PSMB7: variants seen among roughly 807,000 people sequenced by gnomAD.
The protein encoded by PSMB7 is proteasome 20S subunit beta 7, also known as proteasome subunit beta type-7.
In PSMB7, 5 loss-of-function variants were observed where a neutral mutation model predicts 28.1. The ratio of observed to expected loss-of-function variants is 0.18; its 90% confidence interval spans 0.09 to 0.37. The LOEUF (loss-of-function observed/expected upper bound fraction) is 0.37. PSMB7 is among the 10% of genes least tolerant of loss of function. The pLI is 1.00. For missense variants in PSMB7, 275 were observed against 346.2 expected, an observed-to-expected ratio of 0.79 and a Z score of 1.63; for synonymous variants, 122 against 123.7, an observed-to-expected ratio of 0.99 and a Z score of 0.09.
At chr9:124,354,375 G>A (rs1218185991) in intron 7 of PSMB7, among the ~76,000 whole-genome samples, 1 of 152,220 alleles carries the variant, frequency 6.6e-6, no homozygotes, top group African/African-American at 2.4e-5. Flanking sequence ...TGCTCACAGT[G>A]GGTCAGGAAT....
At chr9:124,406,930 T>G (rs1429538435) in intron 4 of PSMB7, among the ~76,000 whole-genome samples, 2 of 152,044 alleles carry the variant, frequency 1.3e-5, no homozygotes, top group Non-Finnish European at 2.9e-5. Flanking sequence ...GAGGTTGCAC[T>G]GAGCCGAGGT....
At chr9:124,358,045 G>A (rs1044065176) in intron 6 of PSMB7, among the ~76,000 whole-genome samples, 1 of 152,202 alleles carries the variant, frequency 6.6e-6, no homozygotes, top group African/African-American at 2.4e-5. Context: ...TGAAAGCAGG[G>A]AATCTAACCT....
At chr9:124,408,594 C>A (rs936470784) in intron 4 of PSMB7, among the ~76,000 whole-genome samples, 1 of 152,134 alleles carries the variant, frequency 6.6e-6, no homozygotes, top group African/African-American at 2.4e-5. Flanking sequence ...CATAAGAGTA[C>A]ACACAAACAT....
At chr9:124,386,412 C>G (rs1830718983) in intron 5 of PSMB7, among the ~76,000 whole-genome samples, 2 of 152,186 alleles carry the variant, frequency 1.3e-5, no homozygotes, top group African/African-American at 4.8e-5. Flanking sequence ...ACCTAAGTTG[C>G]TGTTTTCAGG....
At chr9:124,403,885 CAT>C (rs774818425) in intron 5 of PSMB7, among the ~76,000 whole-genome samples, 1 of 131,816 alleles carries the variant, frequency 7.6e-6, no homozygotes, top group African/African-American at 2.9e-5. Flanking sequence ...CCTGTCCTGA[CAT>C]TTTTTTTTTT....
At chr9:124,371,612 C>T (rs1319652560) in intron 6 of PSMB7, among the ~76,000 whole-genome samples, 4 of 152,038 alleles carry the variant, frequency 2.6e-5, no homozygotes, top group African/African-American at 7.2e-5. Flanking sequence ...CTCAAGTAAC[C>T]GAAAAAAGAC....
chr9:124,414,818 T>C (rs1300505041), intron 2 of PSMB7, 24 bp downstream of exon 2: 3 of 1,598,666 alleles, frequency 1.9e-6, no homozygotes, highest in Non-Finnish European at 8.6e-7. Flanking sequence ...CAGTCACTGC[T>C]GCTCTTAGCC....
chr9:124,379,387 C>A (rs780556563), intron 6 of PSMB7, among the ~76,000 whole-genome samples: 1 of 152,154 alleles, frequency 6.6e-6, no homozygotes, highest in African/African-American at 2.4e-5. Context: ...GGAATAGAAA[C>A]GACCAGGTGT....
At chr9:124,393,705 C>A (rs1303492435) in intron 5 of PSMB7, among the ~76,000 whole-genome samples, 2 of 152,222 alleles carry the variant, frequency 1.3e-5, no homozygotes, top group African/African-American at 4.8e-5. Context: ...ACTGCAACAT[C>A]TCATTGACCT....
chr9:124,373,685 C>T (rs897861811), intron 6 of PSMB7, among the ~76,000 whole-genome samples: 8 of 152,182 alleles, frequency 5.3e-5, no homozygotes, highest in Non-Finnish European at 1.2e-4. Context: ...AAGTCACACA[C>T]ACCCACCAGG....
chr9:124,374,353 C>T (rs1425191467), intron 6 of PSMB7, among the ~76,000 whole-genome samples: 1 of 152,170 alleles, frequency 6.6e-6, no homozygotes, highest in Non-Finnish European at 1.5e-5. Flanking sequence ...CTAAAAACCA[C>T]TGAACTACAC....
At chr9:124,354,186 G>C (rs1354888851) in intron 7 of PSMB7, among the ~76,000 whole-genome samples, 1 of 152,150 alleles carries the variant, frequency 6.6e-6, no homozygotes, top group East Asian at 1.9e-4. Flanking sequence ...AAAATGTGCA[G>C]CCAGACTCTG....
chr9:124,407,550 T>G (rs1398388250), intron 4 of PSMB7, among the ~76,000 whole-genome samples: 2 of 152,168 alleles, frequency 1.3e-5, no homozygotes, highest in African/African-American at 4.8e-5. Flanking sequence ...AACAGGGTGT[T>G]TAAATAAAGT....
chr9:124,370,219 G>C (rs1485211941), intron 6 of PSMB7, among the ~76,000 whole-genome samples: 3 of 134,132 alleles, frequency 2.2e-5, no homozygotes. Context: ...TTGAGAAAGA[G>C]CACCTTTTTT....
chr9:124,407,446 T>C (rs1318657338), intron 4 of PSMB7, among the ~76,000 whole-genome samples: 4 of 152,146 alleles, frequency 2.6e-5, no homozygotes, highest in Non-Finnish European at 5.9e-5. Context: ...AGGGTCAGAC[T>C]AGGGCCAAGG....
chr9:124,388,277 G>A (rs1032381621), intron 5 of PSMB7, among the ~76,000 whole-genome samples: 6 of 152,214 alleles, frequency 3.9e-5, no homozygotes, highest in East Asian at 1.9e-4. Context: ...AGGGGACAGC[G>A]TGGCCAGGAC....
At chr9:124,406,970 G>A (rs1830972881) in intron 4 of PSMB7, among the ~76,000 whole-genome samples, 1 of 152,102 alleles carries the variant, frequency 6.6e-6, no homozygotes, top group Admixed American at 6.5e-5. Context: ...CTGGGCAACA[G>A]AGTGACACTT....
rs577960647 is a variant in PSMB7 at position 124,370,313 on chromosome 9, T to G, written c.571-13398A>C. ...ATAATCATTTGGCTATTTTTAGAAC[T>G]GTTTTTACTTCAGCTAGCAAAACCT... On this transcript the variant is annotated intron_variant, in intron 6 of 7. Coordinates refer to ENST00000259457, the MANE Select transcript of PSMB7 (RefSeq NM_002799.4). 8.6e-5 allele frequency among the ~76,000 whole-genome samples: 13 copies of G among 151,902 alleles called. No homozygotes were observed. In the East Asian group the frequency reaches 1.5e-3, roughly 18 times the overall value.
At chr9:124,396,001 C>T (rs1172391043) in intron 5 of PSMB7, among the ~76,000 whole-genome samples, 1 of 152,192 alleles carries the variant, frequency 6.6e-6, no homozygotes, top group Admixed American at 6.5e-5. Flanking sequence ...CTTCTAAAGC[C>T]TCTTATACAC....
Sources: gnomAD v4.1 joint callset for allele counts (sites outside exome capture counted in the v4.1 genomes callset) on GRCh38, gnomAD v4.1.1 for gene constraint, MANE v1.5 for transcripts, NCBI Gene and HGNC (gene_info 2026-07-23, HGNC 2026-07-21) for gene names.